Variants in OTUD7B observed in about 807,000 individuals in gnomAD.
The protein encoded by OTUD7B is OTU deubiquitinase 7B, also known as OTU domain-containing protein 7B.
In OTUD7B, 34 loss-of-function variants were observed where a neutral mutation model predicts 82.2. The ratio of observed to expected loss-of-function variants is 0.41; its 90% CI spans 0.31 to 0.55. The LOEUF (loss-of-function observed/expected upper bound fraction) is 0.55, where lower values mean the gene tolerates loss of function less well. Ranked by LOEUF, OTUD7B falls within the 20% of genes least tolerant of loss-of-function variation. OTUD7B has a pLI of 0.20. For synonymous variants in OTUD7B, 398 were observed against 402.7 expected (o/e 0.99, Z 0.14); for missense variants, 944 against 1,062.1 (o/e 0.89, Z 1.55).
intron 2 of OTUD7B, 39 bp from the exon 3 acceptor site, chr1:149,971,290 T>C (rs781796568): frequency 1.4e-6 from 2 of 1,456,558 alleles, no homozygotes; most frequent in South Asian, 2.4e-5. Context: ...TGTGCAACCA[T>C]AGTATAGAGA....
chr1:150,005,052 G>T (rs1447839094), intron 1 of OTUD7B, among the ~76,000 whole-genome samples: 1 of 152,008 alleles, frequency 6.6e-6, no homozygotes, highest in African/African-American at 2.4e-5. Context: ...GATCTGAAAT[G>T]AGTTATAATT....
chr1:149,967,228 C>T (rs371191706), intron 4 of OTUD7B, 66 bp downstream of exon 4: 6 of 1,152,848 alleles, frequency 5.2e-6, no homozygotes, highest in Non-Finnish European at 1.3e-6. Context: ...AAGTCCAGCC[C>T]CTCCACAAGG....
chr1:150,067,582 G>A, the OTUD7B span: 1 of 452,098 alleles, frequency 2.2e-6, no homozygotes, highest in Non-Finnish European at 3.9e-6. Context: ...TGAGAGTCCG[G>A]GCCTCAGGCA....
the OTUD7B span, among the ~76,000 whole-genome samples, chr1:150,043,448 G>T: frequency 6.6e-6 from 1 of 152,110 alleles, no homozygotes; most frequent in Non-Finnish European, 1.5e-5. Flanking sequence ...TTTTTGGAGG[G>T]TAAGTTCAAA....
intron 1 of OTUD7B, among the ~76,000 whole-genome samples, chr1:149,978,192 C>G (rs1650456516): frequency 6.6e-6 from 1 of 152,240 alleles, no homozygotes; most frequent in East Asian, 1.9e-4. Flanking sequence ...GAGGAGTAAA[C>G]TGATAGCTAA....
At chr1:149,969,485 C>T (rs587751641) in intron 3 of OTUD7B, among the ~76,000 whole-genome samples, 1 of 152,170 alleles carries the variant, frequency 6.6e-6, no homozygotes, top group East Asian at 1.9e-4. Flanking sequence ...GAAGCATATA[C>T]AGGTTTTGGC....
the OTUD7B span, among the ~76,000 whole-genome samples, chr1:150,023,060 A>T: frequency 6.6e-6 from 1 of 152,260 alleles, no homozygotes; most frequent in Non-Finnish European, 1.5e-5. Context: ...AGCAGAATTA[A>T]GAAGTATTGA....
rs1330521380 is a variant in OTUD7B at position 149,945,133 on chromosome 1, C to T, written c.1324-68G>A. On this transcript the variant is annotated intron_variant, in intron 11 of 11. Transcript: ENST00000581312. ...TGGGGTGGGGGAATCCCCCAGGGACCTCTAGCCCATCCATCTGGCTCAGGG... is the reference window on the plus strand; with the variant it reads ...TGGGGTGGGGGAATCCCCCAGGGACTTCTAGCCCATCCATCTGGCTCAGGG... 1.8e-5 allele frequency: 28 copies of T among 1,535,518 alleles called. No homozygotes were observed. The Admixed American group carries it at 5.3e-4, about 29-fold the overall frequency.
chr1:149,992,185 A>C (rs782792619), intron 1 of OTUD7B, among the ~76,000 whole-genome samples: 20 of 152,202 alleles, frequency 1.3e-4, no homozygotes, highest in Non-Finnish European at 1.9e-4. Flanking sequence ...ACATGGCGCC[A>C]CTGCACTCCA....
chr1:150,002,374 T>A (rs1348314461), intron 1 of OTUD7B, among the ~76,000 whole-genome samples: 1 of 152,186 alleles, frequency 6.6e-6, no homozygotes, highest in African/African-American at 2.4e-5. Flanking sequence ...GACATTCTTC[T>A]ACATCTGAAT....
chr1:149,986,360 G>A lies in OTUD7B; in HGVS notation c.-66-8784C>T, dbSNP rs587693315. On this transcript the variant is annotated intron_variant, in intron 1 of 11. Transcript: ENST00000581312. ...AGACATATGTTTAAGATTGTTATAC[G>A]ACTTTATTTGCAACAAATTTCTCTT... Among the ~76,000 whole-genome samples, 21 of 151,940 alleles carry A rather than the reference G, an allele frequency of 1.4e-4. 1 individual carries two copies. The highest frequency in any genetic ancestry group is 8.3e-4 in the South Asian group (4 of 4,814).
At chr1:150,028,776 T>C in the OTUD7B span, among the ~76,000 whole-genome samples, 47 of 152,338 alleles carry the variant, frequency 3.1e-4, 1 homozygote, top group Admixed American at 9.8e-4. Flanking sequence ...GTTCAAGCGA[T>C]TCTCCTGCCT....
At position 149,965,647 on chromosome 1, in the gene OTUD7B, C is replaced by T. The variant is rs781834947; in HGVS notation, c.604+130G>A. 1.1e-3 allele frequency: 724 copies of T among 666,650 alleles called. 6 individuals are homozygous for T. The highest frequency in any genetic ancestry group is 4.6e-3 in the Middle Eastern group (13 of 2,796). 41.3% of individuals were successfully genotyped at this position (666,650 alleles called of 1,614,324 possible). ...ATAAACACACAGACACACACGTAAGCATGCACAATCTCGCTCTGAACCATC... is the reference window on the plus strand; with the variant it reads ...ATAAACACACAGACACACACGTAAGTATGCACAATCTCGCTCTGAACCATC... On this transcript the variant is annotated intron_variant, in intron 5 of 11. Transcript: ENST00000581312.
intron 7 of OTUD7B, among the ~76,000 whole-genome samples, chr1:149,956,347 CTG>C (rs1648670208): frequency 6.6e-6 from 1 of 152,126 alleles, no homozygotes; most frequent in South Asian, 2.1e-4. Flanking sequence ...TTCTTTAAGA[CTG>C]TTGAATATTG....
the OTUD7B span, among the ~76,000 whole-genome samples, chr1:150,046,277 TC>T: frequency 6.6e-6 from 1 of 151,940 alleles, no homozygotes; most frequent in Non-Finnish European, 1.5e-5. Flanking sequence ...CAATCCTGAG[TC>T]CAGCTACTCT....
At chr1:150,036,262 C>CTTT in the OTUD7B span, among the ~76,000 whole-genome samples, 6,188 of 136,652 alleles carry the variant, frequency 0.045, 389 homozygotes, top group East Asian at 0.11. Context: ...TTCATTGTAA[C>CTTT]TTTTTTTTTT....
At chr1:150,049,674 C>A in the OTUD7B span, among the ~76,000 whole-genome samples, 1 of 129,782 alleles carries the variant, frequency 7.7e-6, no homozygotes, top group African/African-American at 3.0e-5. Context: ...ATTACAGGCT[C>A]GACCTCCTGG....
chr1:149,971,406 A>G (rs1191256863), intron 2 of OTUD7B, 155 bp from the exon 3 acceptor site: 1 of 439,130 alleles, frequency 2.3e-6, no homozygotes, highest in East Asian at 3.4e-5. Flanking sequence ...ATAACACTTC[A>G]ATCTAACTTA....
At chr1:150,023,777 G>GA in the OTUD7B span, among the ~76,000 whole-genome samples, 1 of 152,128 alleles carries the variant, frequency 6.6e-6, no homozygotes, top group African/African-American at 2.4e-5. Context: ...TAAAAGAGTA[G>GA]ATTTCAAATG....
Sources: gnomAD v4.1 joint callset for allele counts (sites outside exome capture counted in the v4.1 genomes callset) on GRCh38, gnomAD v4.1.1 for gene constraint, MANE v1.5 for transcripts, NCBI Gene and HGNC (gene_info 2026-07-23, HGNC 2026-07-21) for gene names.